CDH13: variants seen among roughly 807,000 people sequenced by gnomAD.
CDH13 encodes the protein cadherin 13.
A neutral mutation model predicts 63.8 loss-of-function variants in CDH13; 24 were observed. That is an observed-to-expected ratio of 0.38 (90% CI 0.27 to 0.53). CDH13 has a LOEUF of 0.53. Among genes scored for constraint, CDH13 ranks in the 20% least tolerant of loss-of-function variants. CDH13 has a pLI of 0.85. For missense variants in CDH13, 1,049 were observed against 903.1 expected (o/e 1.16, Z -2.07); for synonymous variants, 503 against 355.3 (o/e 1.42, Z -4.67).
rs1302555696 is a variant in CDH13, at chr16:82,670,738, C to G, written c.45+43601C>G. On this transcript the variant is annotated intron_variant, in intron 1 of 13. Transcript: ENST00000567109. ...CATGGATTTCCCTTTAATAAATCGT[C>G]TCTTCTAGTAGTCATTTGTCATCAA... 4.6e-5 allele frequency among the ~76,000 whole-genome samples: 7 copies of G among 152,264 alleles called. No individual in the cohort carries two copies. In the East Asian group the frequency reaches 1.4e-3, roughly 29 times the overall value.
chr16:83,428,808 G>T (rs902946765), intron 6 of CDH13, among the ~76,000 whole-genome samples: 1 of 152,214 alleles, frequency 6.6e-6, no homozygotes, highest in Non-Finnish European at 1.5e-5. Flanking sequence ...CGTGAATTCT[G>T]TTGTTTTCTT....
intron 8 of CDH13, among the ~76,000 whole-genome samples, chr16:83,626,236 C>T (rs778867560): frequency 6.6e-6 from 1 of 152,108 alleles, no homozygotes; most frequent in African/African-American, 2.4e-5. Context: ...TCTTCCTCCT[C>T]GTTGTAATTG....
intron 1 of CDH13, among the ~76,000 whole-genome samples, chr16:82,789,843 C>T (rs1438561374): frequency 6.6e-6 from 1 of 152,144 alleles, no homozygotes; most frequent in Non-Finnish European, 1.5e-5. Flanking sequence ...GACTGACCAG[C>T]CTGTCCACAG....
chr16:83,698,746 T>G (rs1239145945), intron 10 of CDH13, among the ~76,000 whole-genome samples: 1 of 152,236 alleles, frequency 6.6e-6, no homozygotes, highest in East Asian at 1.9e-4. Flanking sequence ...CTGTATTGTC[T>G]TCTGTTAGAG....
intron 7 of CDH13, among the ~76,000 whole-genome samples, chr16:83,576,798 G>A (rs1003136119): frequency 2.0e-5 from 3 of 152,142 alleles, no homozygotes; most frequent in Admixed American, 6.5e-5. Context: ...TTGGCCATTT[G>A]TATATCTTCT....
At chr16:83,278,892 G>C (rs2089075516) in intron 5 of CDH13, among the ~76,000 whole-genome samples, 1 of 152,156 alleles carries the variant, frequency 6.6e-6, no homozygotes, top group Non-Finnish European at 1.5e-5. Flanking sequence ...TTGAACCTTA[G>C]TCTCATAATC....
At chr16:83,779,484 C>G (rs1237859677) in intron 11 of CDH13, among the ~76,000 whole-genome samples, 1 of 124,338 alleles carries the variant, frequency 8.0e-6, no homozygotes, top group Non-Finnish European at 1.7e-5. Flanking sequence ...AACTTTATAC[C>G]AAAAAAATCT....
intron 1 of CDH13, among the ~76,000 whole-genome samples, chr16:82,799,555 A>C (rs569445215): frequency 5.9e-5 from 9 of 152,358 alleles, no homozygotes; most frequent in African/African-American, 2.2e-4. Flanking sequence ...TCCACGTTGT[A>C]ATCAAGGAGA....
At chr16:83,494,710 T>A (rs2074095848) in intron 7 of CDH13, among the ~76,000 whole-genome samples, 1 of 152,198 alleles carries the variant, frequency 6.6e-6, no homozygotes, top group Non-Finnish European at 1.5e-5. Flanking sequence ...GCTGCAACAC[T>A]TAGATTAAGG....
intron 3 of CDH13, among the ~76,000 whole-genome samples, chr16:83,114,191 G>C (rs1385587901): frequency 1.3e-5 from 2 of 152,188 alleles, no homozygotes; most frequent in African/African-American, 2.4e-5. Flanking sequence ...TGATTCAGAT[G>C]ATTAGTTATT....
intron 11 of CDH13, among the ~76,000 whole-genome samples, chr16:83,753,446 G>A (rs1487362666): frequency 6.6e-6 from 1 of 152,162 alleles, no homozygotes; most frequent in Admixed American, 6.5e-5. Flanking sequence ...TCAGGAGGCT[G>A]AGGAAGGAGG....
At chr16:82,703,293 T>C (rs1329907114) in intron 1 of CDH13, among the ~76,000 whole-genome samples, 1 of 152,108 alleles carries the variant, frequency 6.6e-6, no homozygotes, top group African/African-American at 2.4e-5. Context: ...GCCCTACTTA[T>C]GTTCCGTCCC....
chr16:82,981,680 A>G (rs1414635323), intron 2 of CDH13, among the ~76,000 whole-genome samples: 2 of 152,114 alleles, frequency 1.3e-5, no homozygotes, highest in Non-Finnish European at 2.9e-5. Context: ...ATTTTAAAAA[A>G]TCCATTTTCT....
chr16:82,633,440 C>T (rs753093446), intron 1 of CDH13, among the ~76,000 whole-genome samples: 4 of 152,158 alleles, frequency 2.6e-5, no homozygotes, highest in Admixed American at 6.5e-5. Flanking sequence ...AGTGCGGTGG[C>T]GCGATGTCGG....
At chr16:83,405,064 G>A (rs760088242) in intron 6 of CDH13, among the ~76,000 whole-genome samples, 1 of 151,704 alleles carries the variant, frequency 6.6e-6, no homozygotes, top group African/African-American at 2.4e-5. Context: ...GTAAAAGCAG[G>A]TCAGTAACAG....
chr16:82,926,293 A>AG (rs1264543253), intron 2 of CDH13, among the ~76,000 whole-genome samples: 2 of 152,124 alleles, frequency 1.3e-5, no homozygotes, highest in Admixed American at 6.5e-5. Flanking sequence ...CCAAAAAAAA[A>AG]AAAGAAAAAA....
intron 2 of CDH13, among the ~76,000 whole-genome samples, chr16:82,898,144 T>TAA (rs2041332249): frequency 6.6e-6 from 1 of 152,276 alleles, no homozygotes; most frequent in African/African-American, 2.4e-5. Flanking sequence ...ATGATAGTTT[T>TAA]TGGTCATATA....
At chr16:82,722,435 A>G (rs1018212669) in intron 1 of CDH13, among the ~76,000 whole-genome samples, 1 of 152,110 alleles carries the variant, frequency 6.6e-6, no homozygotes, top group South Asian at 2.1e-4. Flanking sequence ...GGCTGCTATT[A>G]CTGAACAGTC....
intron 10 of CDH13, 27 bp downstream of exon 10, chr16:83,678,488 A>G: frequency 1.2e-6 from 2 of 1,612,750 alleles, no homozygotes; most frequent in Non-Finnish European, 1.7e-6. Context: ...GGAACCACAG[A>G]CGGGAGGTGG....
Sources: gnomAD v4.1 joint callset for allele counts (sites outside exome capture counted in the v4.1 genomes callset) on GRCh38, gnomAD v4.1.1 for gene constraint, MANE v1.5 for transcripts, NCBI Gene and HGNC (gene_info 2026-07-23, HGNC 2026-07-21) for gene names.